Variants in INTS7 observed in about 807,000 individuals in gnomAD.
INTS7 encodes integrator complex subunit 7, also known as chromosome 1 open reading frame 73.
INTS7 carries 46 observed loss-of-function variants against 109.2 expected under a neutral mutation model. The ratio of observed to expected loss-of-function variants is 0.42; its 90% CI spans 0.33 to 0.54. INTS7 has a LOEUF of 0.54. Among genes scored for constraint, INTS7 ranks in the 20% least tolerant of loss-of-function variants. INTS7 has a pLI of 0.07. For missense variants in INTS7, 929 were observed against 1,132.4 expected (o/e 0.82, Z 2.58); for synonymous variants, 412 against 402.9 (o/e 1.02, Z -0.27).
chr1:211,986,889 T>C (rs1053779582), intron 8 of INTS7, among the ~76,000 whole-genome samples: 1 of 152,174 alleles, frequency 6.6e-6, no homozygotes, highest in East Asian at 1.9e-4. Flanking sequence ...ACCTAGAAAG[T>C]ATCATATACT....
chr1:211,947,203 T>C (rs1662881853), intron 17 of INTS7, among the ~76,000 whole-genome samples: 1 of 152,112 alleles, frequency 6.6e-6, no homozygotes, highest in Non-Finnish European at 1.5e-5. Context: ...CGAATTCAGA[T>C]GAAAGAGGAC....
intron 7 of INTS7, among the ~76,000 whole-genome samples, chr1:211,997,649 C>T (rs376978297): frequency 2.3e-4 from 35 of 151,478 alleles, no homozygotes; most frequent in African/African-American, 7.3e-4. Context: ...GAGGCTGAGA[C>T]GGGCAGATCA....
At chr1:211,948,388 T>C (rs534273529) in intron 17 of INTS7, among the ~76,000 whole-genome samples, 1 of 152,342 alleles carries the variant, frequency 6.6e-6, no homozygotes, top group South Asian at 2.1e-4. Context: ...TTGGAAAGTA[T>C]TTGCAGAGAC....
intron 7 of INTS7, among the ~76,000 whole-genome samples, chr1:212,001,225 GC>G (rs1371750900): frequency 1.3e-5 from 2 of 151,980 alleles, no homozygotes; most frequent in African/African-American, 4.8e-5. Context: ...GCGCCATCAC[GC>G]CCGGCTAATT....
chr1:212,015,090 G>A (rs561328103), intron 4 of INTS7, among the ~76,000 whole-genome samples: 2,476 of 141,836 alleles, frequency 0.017, 19 homozygotes, highest in Non-Finnish European at 0.021. Flanking sequence ...GGGAGGTGGG[G>A]GGCGGCCCCC....
At chr1:211,997,156 T>C (rs1665435170) in intron 7 of INTS7, among the ~76,000 whole-genome samples, 1 of 151,938 alleles carries the variant, frequency 6.6e-6, no homozygotes, top group South Asian at 2.1e-4. Context: ...AACTTACTCA[T>C]GTAACCAAAC....
At chr1:211,983,999 G>C (rs114018025) in intron 8 of INTS7, among the ~76,000 whole-genome samples, 3,972 of 152,020 alleles carry the variant, frequency 0.026, 58 homozygotes, top group African/African-American at 0.046. Context: ...AAGTAGCTGA[G>C]AATACAGGTG....
At chr1:211,982,649 C>T (rs775780226) in intron 9 of INTS7, 27 bp downstream of exon 9, 54 of 1,530,940 alleles carry the variant, frequency 3.5e-5, no homozygotes, top group Middle Eastern at 1.8e-4. Context: ...AAAGTTTATA[C>T]GTAATATCAG....
At chr1:211,976,239 G>A (rs1664412705) in intron 12 of INTS7, among the ~76,000 whole-genome samples, 1 of 152,198 alleles carries the variant, frequency 6.6e-6, no homozygotes, top group Non-Finnish European at 1.5e-5. Flanking sequence ...AGACTGGGGA[G>A]AGGAACAAAG....
In INTS7 at chr1:211,975,331, C is replaced by T; in HGVS notation, c.1650G>A (p.Leu550=). The change falls in exon 13 of 20, where the codon CTG becomes CTA. Residue 550 remains leucine, a synonymous_variant. Coordinates refer to ENST00000366994, the MANE Select transcript of INTS7 (RefSeq NM_015434.4). ...DMAKELYQSL[L]TQVASEHFYF... ...AGAAATGTTCTGAGGCAACCTGAGTCAGCAAACTCTGATAAAGCTCTTTGG... is the reference window on the plus strand; with the variant it reads ...AGAAATGTTCTGAGGCAACCTGAGTTAGCAAACTCTGATAAAGCTCTTTGG... 1 of 1,614,068 alleles carries T rather than the reference C, an allele frequency of 6.2e-7. No individual in the cohort carries two copies. Among genetic ancestry groups the T allele is most frequent in the Non-Finnish European group, 8.5e-7 (1 of 1,179,980 alleles).
chr1:211,982,978 T>C (rs1463861183), intron 8 of INTS7, among the ~76,000 whole-genome samples, 168 bp from the exon 9 acceptor site: 1 of 152,124 alleles, frequency 6.6e-6, no homozygotes, highest in African/African-American at 2.4e-5. Context: ...TTCTCTCCAT[T>C]AAGGTACTTG....
At chr1:211,955,965 G>A (rs1663342930) in intron 16 of INTS7, among the ~76,000 whole-genome samples, 1 of 152,182 alleles carries the variant, frequency 6.6e-6, no homozygotes, top group African/African-American at 2.4e-5. Context: ...TAAAAGACTT[G>A]CTAACAAAAC....
intron 3 of INTS7, among the ~76,000 whole-genome samples, chr1:212,017,575 A>C (rs73072531): frequency 6.6e-6 from 1 of 152,232 alleles, no homozygotes; most frequent in Non-Finnish European, 1.5e-5. Flanking sequence ...TGGAAAACAC[A>C]GTCTACTTTA....
rs1336355266 is a variant in INTS7, at chr1:211,966,445, T to A, written c.2168A>T (p.Asp723Val). ...TTAGAATTACCTTGCTGATTCTGGATCCAAAATCAGGGCTTCTATTGCATG... is the reference window on the plus strand; with the variant it reads ...TTAGAATTACCTTGCTGATTCTGGAACCAAAATCAGGGCTTCTATTGCATG... ...ISHAIEALILDPESASFQEYG... is the reference protein window; with the variant it reads ...ISHAIEALILVPESASFQEYG... Residue 723 changes from aspartate (D) to valine (V), a missense_variant, in exon 16 of 20, where the codon GAT becomes GTT. Coordinates refer to ENST00000366994, the MANE Select transcript of INTS7 (RefSeq NM_015434.4). 1 of 1,597,460 alleles carries A rather than the reference T, an allele frequency of 6.3e-7. No homozygotes were observed.
At chr1:212,004,917 T>C (rs1665836068) in intron 7 of INTS7, among the ~76,000 whole-genome samples, 1 of 152,244 alleles carries the variant, frequency 6.6e-6, no homozygotes, top group Non-Finnish European at 1.5e-5. Flanking sequence ...ATGTGATTAA[T>C]GGACGCCCTC....
At chr1:211,962,260 T>TAAAAAAAA (rs35134976) in intron 16 of INTS7, among the ~76,000 whole-genome samples, 5 of 79,330 alleles carry the variant, frequency 6.3e-5, no homozygotes, top group African/African-American at 2.1e-4. Context: ...CAACAAAGAT[T>TAAAAAAAA]AAAAAAAAAA....
intron 3 of INTS7, among the ~76,000 whole-genome samples, chr1:212,018,310 T>C (rs564671980): frequency 1.3e-5 from 2 of 152,248 alleles, no homozygotes; most frequent in East Asian, 1.9e-4. Flanking sequence ...GCTGGCTTTA[T>C]TGATAACCAC....
chr1:211,991,295 A>G (rs1440435921), intron 7 of INTS7, among the ~76,000 whole-genome samples: 2 of 152,242 alleles, frequency 1.3e-5, no homozygotes, highest in Non-Finnish European at 2.9e-5. Context: ...GAAGACTCAC[A>G]TCAGAATTCT....
intron 8 of INTS7, among the ~76,000 whole-genome samples, chr1:211,983,166 T>A (rs1664737566): frequency 6.6e-6 from 1 of 152,162 alleles, no homozygotes; most frequent in Non-Finnish European, 1.5e-5. Flanking sequence ...GACAAAACCA[T>A]ACTTTCAAGA....
Sources: allele counts gnomAD v4.1 joint callset (sites outside exome capture counted in the v4.1 genomes callset), GRCh38; gene constraint gnomAD v4.1.1; transcripts MANE v1.5; gene names NCBI Gene and HGNC (gene_info 2026-07-23, HGNC 2026-07-21).